Variants in RGS7 observed in about 807,000 individuals in gnomAD.
RGS7 encodes regulator of G-protein signaling 7.
Under a neutral mutation model 81.1 loss-of-function variants are expected in RGS7, and 27 were observed. That is an observed-to-expected ratio of 0.33 (90% confidence interval 0.25 to 0.46). RGS7 has a LOEUF of 0.46. Among genes scored for constraint, RGS7 ranks in the 20% least tolerant of loss-of-function variants. RGS7 has a pLI of 1.00. For synonymous variants in RGS7, 208 were observed against 207.7 expected (o/e 1.00, Z -0.01); for missense variants, 396 against 607.4 (o/e 0.65, Z 3.66).
At chr1:240,992,170 A>C (rs1361451178) in intron 3 of RGS7, among the ~76,000 whole-genome samples, 1 of 152,202 alleles carries the variant, frequency 6.6e-6, no homozygotes, top group African/African-American at 2.4e-5. Context: ...TTCCCAGTTC[A>C]TTAAAGATTG....
chr1:241,311,245 T>C (rs1024116349), intron 2 of RGS7, among the ~76,000 whole-genome samples: 39 of 152,102 alleles, frequency 2.6e-4, no homozygotes, highest in African/African-American at 9.2e-4. Context: ...CCACAGAAAA[T>C]TGAGCAATAA....
At chr1:241,351,884 A>C (rs569018659) in intron 2 of RGS7, among the ~76,000 whole-genome samples, 22 of 152,346 alleles carry the variant, frequency 1.4e-4, no homozygotes, top group Admixed American at 4.6e-4. Flanking sequence ...TAGCTGCAAT[A>C]ATATCAGAAA....
At chr1:241,148,713 T>C (rs987228890) in intron 2 of RGS7, among the ~76,000 whole-genome samples, 3 of 152,256 alleles carry the variant, frequency 2.0e-5, no homozygotes, top group Non-Finnish European at 4.4e-5. Flanking sequence ...ACTGGTGTTA[T>C]TGTAAAGATG....
chr1:241,265,182 A>C (rs2148307542), intron 2 of RGS7, among the ~76,000 whole-genome samples: 1 of 152,316 alleles, frequency 6.6e-6, no homozygotes, highest in East Asian at 1.9e-4. Flanking sequence ...CTGTTCCTGC[A>C]GTGGCCTCCT....
intron 6 of RGS7, among the ~76,000 whole-genome samples, chr1:240,892,454 A>T (rs1668428002): frequency 6.6e-6 from 1 of 152,198 alleles, no homozygotes; most frequent in South Asian, 2.1e-4. Context: ...GGACAACCAT[A>T]AAGCTCCTCA....
intron 18 of RGS7, among the ~76,000 whole-genome samples, chr1:240,780,943 G>T (rs1572044414): frequency 6.8e-6 from 1 of 146,206 alleles, no homozygotes. Context: ...GAGTGAAATA[G>T]TTACATTGAA....
chr1:241,254,068 T>C (rs2076949056), intron 2 of RGS7, among the ~76,000 whole-genome samples: 1 of 151,640 alleles, frequency 6.6e-6, no homozygotes, highest in South Asian at 2.1e-4. Flanking sequence ...GATGTAGTGG[T>C]GGGCGCCTGT....
chr1:241,139,477 T>G (rs2067768648), intron 2 of RGS7, among the ~76,000 whole-genome samples: 1 of 152,264 alleles, frequency 6.6e-6, no homozygotes, highest in African/African-American at 2.4e-5. Flanking sequence ...ATTCTTTGGA[T>G]AGAAATATGT....
Position 240,936,698 on chromosome 1 carries a change from G to T in RGS7, c.235C>A (p.Leu79Ile), listed in dbSNP as rs1464800121. 8.7e-6 allele frequency: 14 copies of T among 1,612,686 alleles called. No individual in the cohort carries two copies. The highest frequency in any genetic ancestry group is 1.2e-5 in the Non-Finnish European group (14 of 1,178,676). Residue 79 changes from leucine to isoleucine, a missense_variant, in exon 5 of 19, where the codon CTC (leucine) becomes ATC (isoleucine). Leu to Ile is a conservative substitution (Grantham distance 5, BLOSUM62 2). Coordinates refer to ENST00000440928, the MANE Select transcript of RGS7 (RefSeq NM_001364886.1). ...NLTIEDPVEA[L>I]HLGTLMAAHG... ...GCAGCCATTAATGTTCCCAAATGGA[G>T]CGCCTCCACTGTTTTATGAAAACAA...
intron 3 of RGS7, among the ~76,000 whole-genome samples, chr1:240,996,010 T>C (rs1687231849): frequency 6.8e-6 from 1 of 148,142 alleles, no homozygotes; most frequent in African/African-American, 2.6e-5. Context: ...TTACATTTTA[T>C]TTTTATTGTT....
At chr1:240,898,848 C>A (rs1246361219) in intron 6 of RGS7, among the ~76,000 whole-genome samples, 1 of 152,106 alleles carries the variant, frequency 6.6e-6, no homozygotes, top group East Asian at 1.9e-4. Flanking sequence ...TGTTAACTTT[C>A]TGTCTCGTTG....
intron 3 of RGS7, among the ~76,000 whole-genome samples, chr1:241,031,104 A>C (rs2060065456): frequency 6.6e-6 from 1 of 152,148 alleles, no homozygotes. Flanking sequence ...GTAATTTCTC[A>C]TCCTTCACTC....
At chr1:240,838,103 G>A (rs1695003328) in intron 9 of RGS7, among the ~76,000 whole-genome samples, 1 of 152,160 alleles carries the variant, frequency 6.6e-6, no homozygotes, top group African/African-American at 2.4e-5. Context: ...AAACCAGGTG[G>A]CTTATAAACA....
chr1:241,335,532 A>T (rs184782919), intron 2 of RGS7, among the ~76,000 whole-genome samples: 1 of 152,346 alleles, frequency 6.6e-6, no homozygotes, highest in East Asian at 1.9e-4. Context: ...TTAAAATGTT[A>T]TCCAGAATTC....
In RGS7 at chr1:240,868,471, G is replaced by C. The variant is rs1355618412; in HGVS notation, c.609+116C>G. 1.2e-6 allele frequency: 1 copy of C among 847,730 alleles called. No homozygotes were observed. The highest frequency in any genetic ancestry group is 1.7e-5 in the African/African-American group (1 of 60,244). The allele number at this position is 847,730 out of a possible 1,614,324, so 52.5% of individuals were successfully genotyped here. A position where few individuals can be genotyped will look rare whatever the true frequency, so the allele number is the denominator to read the frequency against. Reference sequence around the variant, plus strand: ...GATCTTTTCTTAATGAATTCACCAAGATACCATGGAGCGTGCATGGGGTCA... The same window carrying C: ...GATCTTTTCTTAATGAATTCACCAACATACCATGGAGCGTGCATGGGGTCA... On this transcript the variant is annotated intron_variant, in intron 9 of 18. Coordinates refer to ENST00000440928, the MANE Select transcript of RGS7 (RefSeq NM_001364886.1). The surrounding 1 kb of genome is among the most constrained non-coding windows in gnomAD (Gnocchi z 5.1).
chr1:241,057,054 C>CT lies in RGS7; in HGVS notation c.175+41611dup, dbSNP rs5782173. On this transcript the variant is annotated intron_variant, in intron 3 of 18. Coordinates refer to ENST00000440928, the MANE Select transcript of RGS7 (RefSeq NM_001364886.1). ...TATTCATGGTAATTTATTTCCAAGA[C>CT]TTTTTTTTTTTCTGGGGTTACTGAT... Among the ~76,000 whole-genome samples the CT allele has an allele frequency of 5.5e-3, 811 of 147,414 alleles. 12 individuals carry two copies. The highest frequency in any genetic ancestry group is 0.031 in the Admixed American group (452 of 14,670).
chr1:240,776,858 C>T (rs1683028858), intron 18 of RGS7, among the ~76,000 whole-genome samples: 1 of 152,172 alleles, frequency 6.6e-6, no homozygotes, highest in Admixed American at 6.5e-5. Context: ...TCTTTCCTAC[C>T]TGACTTCTTC....
In RGS7 at chr1:240,931,386, G is replaced by A. The variant is rs143728220; in HGVS notation, c.334-618C>T. On this transcript the variant is annotated intron_variant, in intron 5 of 18. Transcript: ENST00000440928. ...ATTTAGTCGTGCAACAGGGTGACTCGAGTCAATAGTAACTTAATTATACAT... is the reference window on the plus strand; with the variant it reads ...ATTTAGTCGTGCAACAGGGTGACTCAAGTCAATAGTAACTTAATTATACAT... Among the ~76,000 whole-genome samples, 306 of 152,106 alleles carry A rather than the reference G, an allele frequency of 2.0e-3. 1 individual carries two copies. The highest frequency in any genetic ancestry group is 6.8e-3 in the Middle Eastern group (2 of 294).
chr1:241,192,804 C>T (rs1248786511), intron 2 of RGS7, among the ~76,000 whole-genome samples: 1 of 152,142 alleles, frequency 6.6e-6, no homozygotes, highest in East Asian at 1.9e-4. Context: ...TTCAGAGCCC[C>T]ACAGTACCAA....
Sources: gnomAD v4.1 joint callset for allele counts (sites outside exome capture counted in the v4.1 genomes callset) on GRCh38, gnomAD v4.1.1 for gene constraint, Gnocchi (gnomAD v3.1) non-coding constraint, MANE v1.5 for transcripts, NCBI Gene and HGNC (gene_info 2026-07-23, HGNC 2026-07-21) for gene names.